FOXP2: variants seen among roughly 807,000 people sequenced by gnomAD.
The protein encoded by FOXP2 is forkhead box protein P2.
In FOXP2, 12 loss-of-function variants were observed where a neutral mutation model predicts 115.8. The observed-to-expected ratio is 0.10, with a 90% CI of 0.07 to 0.17. The LOEUF (loss-of-function observed/expected upper bound fraction) is 0.17. Among genes scored for constraint, FOXP2 ranks in the 10% least tolerant of loss-of-function variants. The probability of loss-of-function intolerance (pLI) is 1.00; values close to 1 mark genes in which losing one functional copy is unlikely to be tolerated. For synonymous variants in FOXP2, 328 were observed against 297.7 expected (o/e 1.10, Z -1.05); for missense variants, 629 against 843.5 (o/e 0.75, Z 3.15).
intron 3 of FOXP2, among the ~76,000 whole-genome samples, chr7:114,582,480 T>TA: frequency 6.6e-6 from 1 of 152,300 alleles, no homozygotes; most frequent in Non-Finnish European, 1.5e-5. Flanking sequence ...ACTCTCACCA[T>TA]ATTTGTTATA....
At chr7:114,338,149 G>C (rs975510736) in intron 2 of FOXP2, among the ~76,000 whole-genome samples, 1 of 150,986 alleles carries the variant, frequency 6.6e-6, no homozygotes, top group African/African-American at 2.4e-5. Context: ...TTTCAATTAT[G>C]TGGAATTTTC....
chr7:114,232,285 C>A (rs1794898204), intron 1 of FOXP2, among the ~76,000 whole-genome samples: 1 of 152,094 alleles, frequency 6.6e-6, no homozygotes, highest in African/African-American at 2.4e-5. Flanking sequence ...ATGATACAGC[C>A]ACTACGGTAA....
At chr7:114,358,660 G>A (rs1354480359) in intron 2 of FOXP2, among the ~76,000 whole-genome samples, 2 of 152,262 alleles carry the variant, frequency 1.3e-5, no homozygotes, top group East Asian at 3.9e-4. Context: ...TTCTTGATAT[G>A]CTTTAGCAAA....
At chr7:114,483,786 T>C (rs1012665846) in intron 2 of FOXP2, among the ~76,000 whole-genome samples, 2 of 151,770 alleles carry the variant, frequency 1.3e-5, no homozygotes, top group African/African-American at 2.4e-5. Flanking sequence ...ACAAATACTT[T>C]GAAGATTAAT....
intron 3 of FOXP2, among the ~76,000 whole-genome samples, chr7:114,534,964 G>T (rs983224120): frequency 3.3e-5 from 5 of 151,710 alleles, no homozygotes; most frequent in Admixed American, 1.3e-4. Context: ...TAGGCATAAA[G>T]AATTTTGCAT....
At chr7:114,381,907 G>A (rs1792313130) in intron 2 of FOXP2, among the ~76,000 whole-genome samples, 1 of 152,034 alleles carries the variant, frequency 6.6e-6, no homozygotes, top group South Asian at 2.1e-4. Flanking sequence ...GAACAGGACG[G>A]GCATTCTTTG....
chr7:114,328,170 C>T (rs575384693), intron 2 of FOXP2, among the ~76,000 whole-genome samples: 34 of 151,794 alleles, frequency 2.2e-4, no homozygotes, highest in African/African-American at 6.5e-4. Flanking sequence ...CCTCCTATCC[C>T]GGCCTCCCAA....
chr7:114,574,158 C>T (rs889696697), intron 3 of FOXP2, among the ~76,000 whole-genome samples: 2 of 151,606 alleles, frequency 1.3e-5, no homozygotes, highest in South Asian at 2.1e-4. Flanking sequence ...ATGCACTTAT[C>T]TTTATGTGAA....
intron 16 of FOXP2, among the ~76,000 whole-genome samples, chr7:114,683,501 C>T (rs868397320): frequency 2.0e-5 from 3 of 152,088 alleles, no homozygotes; most frequent in Non-Finnish European, 2.9e-5. Flanking sequence ...ATAACAATAA[C>T]GTTACATTAG....
chr7:114,108,542 A>AT (rs1198002270), intron 1 of FOXP2, among the ~76,000 whole-genome samples: 1 of 151,782 alleles, frequency 6.6e-6, no homozygotes, highest in Non-Finnish European at 1.5e-5. Flanking sequence ...TTCTTGGAGG[A>AT]TTTTTCTTAG....
chr7:114,575,172 ACTTTG>A (rs1385385190), intron 3 of FOXP2, among the ~76,000 whole-genome samples: 1 of 151,826 alleles, frequency 6.6e-6, no homozygotes, highest in Admixed American at 6.6e-5. Flanking sequence ...CAGTTTCTTA[ACTTTG>A]CTTTGCTTCA....
chr7:114,318,724 T>TATATATAC (rs1340982724), intron 2 of FOXP2, among the ~76,000 whole-genome samples: 1 of 151,396 alleles, frequency 6.6e-6, no homozygotes, highest in East Asian at 1.9e-4. Context: ...TATATATATA[T>TATATATAC]ATACACACAC....
intron 2 of FOXP2, among the ~76,000 whole-genome samples, chr7:114,516,728 C>T (rs1255426813): frequency 1.3e-5 from 2 of 151,494 alleles, no homozygotes; most frequent in Non-Finnish European, 2.9e-5. Context: ...CAGAGTCTCA[C>T]ACTGTTGCCA....
intron 2 of FOXP2, among the ~76,000 whole-genome samples, chr7:114,528,670 G>C (rs1307365805): frequency 2.6e-5 from 4 of 151,728 alleles, no homozygotes; most frequent in Non-Finnish European, 4.4e-5. Context: ...TTAGTAGCAT[G>C]TATTTTTCAG....
At chr7:114,154,409 C>A (rs1179487767) in intron 1 of FOXP2, among the ~76,000 whole-genome samples, 1 of 151,970 alleles carries the variant, frequency 6.6e-6, no homozygotes, top group African/African-American at 2.4e-5. Context: ...AATAAACAAT[C>A]ATCAACTACT....
At chr7:114,507,154 T>C (rs979092080) in intron 2 of FOXP2, among the ~76,000 whole-genome samples, 1 of 151,598 alleles carries the variant, frequency 6.6e-6, no homozygotes, top group Admixed American at 6.6e-5. Context: ...TTCTTACCCC[T>C]ACCCCCCCCA....
At chr7:114,358,340 A>T (rs1235065918) in intron 2 of FOXP2, among the ~76,000 whole-genome samples, 1 of 152,146 alleles carries the variant, frequency 6.6e-6, no homozygotes, top group Non-Finnish European at 1.5e-5. Flanking sequence ...ATATTTCTTC[A>T]TAGCATTATG....
At chr7:114,439,931 A>T (rs546958456) in intron 2 of FOXP2, among the ~76,000 whole-genome samples, 1 of 152,300 alleles carries the variant, frequency 6.6e-6, no homozygotes, top group African/African-American at 2.4e-5. Flanking sequence ...CTTTGACAGG[A>T]AATGCCCAGT....
At chr7:114,370,081 G>GA (rs1371668517) in intron 2 of FOXP2, among the ~76,000 whole-genome samples, 1 of 152,026 alleles carries the variant, frequency 6.6e-6, no homozygotes, top group Non-Finnish European at 1.5e-5. Flanking sequence ...AAAGTATTGG[G>GA]AAAAAAATAT....
Sources: allele counts gnomAD v4.1 joint callset (sites outside exome capture counted in the v4.1 genomes callset), GRCh38; gene constraint gnomAD v4.1.1; transcripts MANE v1.5; gene names NCBI Gene and HGNC (gene_info 2026-07-23, HGNC 2026-07-21).